Variants in ST8SIA6 observed in about 807,000 individuals in gnomAD.
ST8SIA6 encodes alpha-2,8-sialyltransferase 8F.
A neutral mutation model predicts 33.6 loss-of-function variants in ST8SIA6; 39 were observed. That is an observed-to-expected ratio of 1.16 (90% CI 0.90 to 1.52). ST8SIA6 has a LOEUF of 1.52. Among genes scored for constraint, ST8SIA6 ranks in the 40% most tolerant of loss-of-function variants. The pLI is 0.00. For missense variants in ST8SIA6, 441 were observed against 443.8 expected, an observed-to-expected ratio of 0.99 and a Z score of 0.06; for synonymous variants, 172 against 167.2, an observed-to-expected ratio of 1.03 and a Z score of -0.22.
At chr10:17,434,053 G>A (rs1485356197) in intron 2 of ST8SIA6, among the ~76,000 whole-genome samples, 1 of 152,072 alleles carries the variant, frequency 6.6e-6, no homozygotes, top group Non-Finnish European at 1.5e-5. Flanking sequence ...TACCTGTTTA[G>A]CCTCCCCTGG....
chr10:17,357,509 C>G (rs1849238730), intron 4 of ST8SIA6, among the ~76,000 whole-genome samples: 1 of 152,042 alleles, frequency 6.6e-6, no homozygotes, highest in Non-Finnish European at 1.5e-5. Context: ...ACTGGTTTTT[C>G]CAGGGATTGC....
intron 3 of ST8SIA6, among the ~76,000 whole-genome samples, chr10:17,365,465 G>T (rs924068305): frequency 6.6e-6 from 1 of 152,146 alleles, no homozygotes; most frequent in Non-Finnish European, 1.5e-5. Flanking sequence ...GAACCTTCCA[G>T]AAATAAACAA....
rs952697557 is a variant in ST8SIA6 at position 17,317,903 on chromosome 10, T to C, written c.*2975A>G. Among the ~76,000 whole-genome samples, 1 of 152,212 alleles carries C rather than the reference T, an allele frequency of 6.6e-6. No individual in the cohort carries two copies. Among genetic ancestry groups the C allele is most frequent in the African/African-American group, 2.4e-5 (1 of 41,462 alleles). ...AAGCCATGATCTATTTGTCATTGCC[T>C]TTTGTTCCAAGGGAAAAGCACCAGA... On this transcript the variant is annotated 3_prime_UTR_variant, in exon 8 of 8. Transcript: ENST00000377602.
At chr10:17,355,855 C>A (rs918472686) in intron 4 of ST8SIA6, among the ~76,000 whole-genome samples, 3 of 152,284 alleles carry the variant, frequency 2.0e-5, no homozygotes, top group Middle Eastern at 3.4e-3. Context: ...AGTACAAGTT[C>A]ATTGCTCCAG....
rs1852849719 is a variant in ST8SIA6, at chr10:17,449,966, T to C, written c.200+3593A>G. The stretch of plus-strand genomic sequence containing the variant: ...GGGCAGCACTCCATCCTGAGATAAC[T>C]AAGAGTAGGGTCACATCTACTTGCT... On this transcript the variant is annotated intron_variant, in intron 2 of 7. Transcript: ENST00000377602. Among the ~76,000 whole-genome samples the C allele has an allele frequency of 2.6e-5, 4 of 152,154 alleles. No individual in the cohort carries two copies. In the South Asian group the frequency reaches 8.3e-4, roughly 31 times the overall value.
intron 2 of ST8SIA6, among the ~76,000 whole-genome samples, chr10:17,398,165 A>G (rs897848533): frequency 9.9e-5 from 15 of 152,090 alleles, no homozygotes; most frequent in Admixed American, 2.6e-4. Context: ...CGTCTCTACT[A>G]AAAATACAAA....
At position 17,321,014 on chromosome 10, in the gene ST8SIA6, G is replaced by A. The variant is rs201378551; in HGVS notation, c.1061C>T (p.Pro354Leu). 1.9e-6 allele frequency: 3 copies of A among 1,614,054 alleles called. No homozygotes were observed. The highest frequency in any genetic ancestry group is 3.3e-5 in the Admixed American group (2 of 59,980). The stretch of plus-strand genomic sequence containing the variant: ...GTTGTCATAATAGTGATGGCTGACA[G>A]GTATGTCTTCTACAGTTTTAGAGAA... ...WPFSKTVEDI[P>L]VSHHYYDNKL... The change falls in exon 8 of 8, where the codon CCT becomes CTT. Residue 354 changes from proline to leucine, a missense_variant. Transcript: ENST00000377602.
At chr10:17,366,205 G>C (rs546600208) in intron 3 of ST8SIA6, among the ~76,000 whole-genome samples, 1 of 152,340 alleles carries the variant, frequency 6.6e-6, no homozygotes, top group East Asian at 1.9e-4. Context: ...ATTGTTTTCA[G>C]CTATGCACGA....
intron 4 of ST8SIA6, among the ~76,000 whole-genome samples, chr10:17,333,831 C>G (rs1848414947): frequency 7.0e-6 from 1 of 143,808 alleles, no homozygotes; most frequent in Admixed American, 7.1e-5. Flanking sequence ...AAGCAATTCT[C>G]CTGCCTCAGC....
rs1267017606 is a variant in ST8SIA6 at position 17,426,790 on chromosome 10, CTTT to C, written c.200+26766_200+26768del. On this transcript the variant is annotated intron_variant, in intron 2 of 7. Coordinates refer to ENST00000377602, the MANE Select transcript of ST8SIA6 (RefSeq NM_001004470.3). ...GGATCTACTGGCAGAAAGACTTCAT[CTTT>C]TGGTACAGAAAAAGTTCTATGCACG... 2.6e-5 allele frequency among the ~76,000 whole-genome samples: 4 copies of C among 152,176 alleles called. No individual in the cohort carries two copies. The East Asian group carries it at 7.7e-4, about 29-fold the overall frequency.
chr10:17,423,112 T>A (rs1317949999), intron 2 of ST8SIA6, among the ~76,000 whole-genome samples: 1 of 152,182 alleles, frequency 6.6e-6, no homozygotes, highest in Admixed American at 6.5e-5. Flanking sequence ...ACAAAAAATA[T>A]GGACCTGATA....
intron 3 of ST8SIA6, among the ~76,000 whole-genome samples, chr10:17,386,175 T>TCACACACACACACA (rs371809115): frequency 2.0e-5 from 3 of 150,078 alleles, no homozygotes; most frequent in African/African-American, 4.9e-5. Flanking sequence ...AGTGAGACTG[T>TCACACACACACACA]CACACACACA....
chr10:17,376,640 CAT>C (rs1308113572), intron 3 of ST8SIA6, among the ~76,000 whole-genome samples: 1 of 151,990 alleles, frequency 6.6e-6, no homozygotes, highest in Non-Finnish European at 1.5e-5. Flanking sequence ...CTTGGATATC[CAT>C]AGAGACATTT....
chr10:17,386,976 C>T (rs576395149), intron 3 of ST8SIA6: 2 of 152,240 alleles, frequency 1.3e-5, no homozygotes, highest in Non-Finnish European at 2.9e-5. Flanking sequence ...AGCTTCTAGG[C>T]CCTGGGGATG....
At chr10:17,358,408 G>A (rs2131616079) in intron 4 of ST8SIA6, among the ~76,000 whole-genome samples, 1 of 152,236 alleles carries the variant, frequency 6.6e-6, no homozygotes, top group South Asian at 2.1e-4. Context: ...AGTATTTTAG[G>A]GGAAAGCAAA....
At chr10:17,359,243 A>T (rs1379900428) in intron 4 of ST8SIA6, among the ~76,000 whole-genome samples, 1 of 152,232 alleles carries the variant, frequency 6.6e-6, no homozygotes, top group Non-Finnish European at 1.5e-5. Flanking sequence ...AAAACACAAC[A>T]TCTTCTAAAA....
At chr10:17,405,558 C>G (rs1395530786) in intron 2 of ST8SIA6, among the ~76,000 whole-genome samples, 1 of 147,784 alleles carries the variant, frequency 6.8e-6, no homozygotes, top group Non-Finnish European at 1.5e-5. Flanking sequence ...CACTCAAATT[C>G]CTGCTCTGAT....
chr10:17,370,263 G>A (rs1849689884), intron 3 of ST8SIA6, among the ~76,000 whole-genome samples: 1 of 152,162 alleles, frequency 6.6e-6, no homozygotes, highest in Non-Finnish European at 1.5e-5. Context: ...GATTGCAGGC[G>A]TGAGCCACCA....
At chr10:17,379,658 T>C (rs566435134) in intron 3 of ST8SIA6, among the ~76,000 whole-genome samples, 1 of 152,286 alleles carries the variant, frequency 6.6e-6, no homozygotes, top group South Asian at 2.1e-4. Context: ...GGAGGCTTCC[T>C]GCCTTTGCTT....
Sources: gnomAD v4.1 joint callset for allele counts (sites outside exome capture counted in the v4.1 genomes callset) on GRCh38, gnomAD v4.1.1 for gene constraint, MANE v1.5 for transcripts, NCBI Gene and HGNC (gene_info 2026-07-23, HGNC 2026-07-21) for gene names.